GALNT7: variants seen among roughly 807,000 people sequenced by gnomAD.
The protein encoded by GALNT7 is polypeptide N-acetylgalactosaminyltransferase 7.
Under a neutral mutation model 82.1 loss-of-function variants are expected in GALNT7, and 60 were observed. The observed-to-expected ratio is 0.73, with a 90% CI of 0.59 to 0.91. The LOEUF is 0.91. Among genes scored for constraint, GALNT7 ranks in the 40% least tolerant of loss-of-function variants. The pLI, the probability that GALNT7 is intolerant of heterozygous loss-of-function variation, is 0.00. For synonymous variants in GALNT7, 243 were observed against 275.1 expected (o/e 0.88, Z 1.15); for missense variants, 660 against 804.2 (o/e 0.82, Z 2.17).
chr4:173,249,855 C>G (rs1319519157), intron 2 of GALNT7, among the ~76,000 whole-genome samples: 1 of 152,060 alleles, frequency 6.6e-6, no homozygotes, highest in Non-Finnish European at 1.5e-5. Context: ...CTTTAGGACC[C>G]CTAACAGGAT....
chr4:173,212,328 A>G (rs1241367569), intron 1 of GALNT7, among the ~76,000 whole-genome samples: 3 of 152,228 alleles, frequency 2.0e-5, no homozygotes, highest in Non-Finnish European at 1.5e-5. Context: ...CAAAAGTCAC[A>G]AGTAATTAAC....
intron 2 of GALNT7, among the ~76,000 whole-genome samples, chr4:173,255,157 C>T (rs1456249090): frequency 6.6e-6 from 1 of 152,122 alleles, no homozygotes; most frequent in African/African-American, 2.4e-5. Context: ...AACTGGAAAT[C>T]AAGGTAACTT....
In GALNT7 at chr4:173,178,052, T is replaced by TGCGCGCGCGC. The variant is rs60869480; in HGVS notation, c.126+9097_126+9098insGCGCGCGCGC. Among the ~76,000 whole-genome samples, 296 of 129,494 alleles carry TGCGCGCGCGC rather than the reference T, an allele frequency of 2.3e-3. 1 individual carries two copies. The highest frequency in any genetic ancestry group is 0.011 in the South Asian group (43 of 3,832). The allele number at this position is 129,494 out of a possible 152,430, so 85.0% of individuals were successfully genotyped here. ...GTGTGTGTGTGTGTGTGTGTGTGTG[T>TGCGCGCGCGC]GCGCGCACGCGCGTGCGCACAGACA... On this transcript the variant is annotated intron_variant, in intron 1 of 11. Transcript: ENST00000265000.
Position 173,292,294 on chromosome 4 carries a change from C to T in GALNT7, c.754+20C>T, listed in dbSNP as rs1200949135. 3 of 1,429,316 alleles carry T rather than the reference C, an allele frequency of 2.1e-6. No homozygotes were observed. Among genetic ancestry groups the T allele is most frequent in the Middle Eastern group, 1.8e-4 (1 of 5,576 alleles). The allele number at this position is 1,429,316 out of a possible 1,614,324, so 88.5% of individuals were successfully genotyped here. A position where few individuals can be genotyped will look rare whatever the true frequency, so the allele number is the denominator to read the frequency against. On this transcript the variant is annotated intron_variant, in intron 3 of 11. Coordinates refer to ENST00000265000, the MANE Select transcript of GALNT7 (RefSeq NM_017423.3). This position sits in a 1 kb window ranked among gnomAD's most constrained non-coding sequence, Gnocchi z 4.8. ...ATAAAGGTAATGGCTGTGAAACTCA[C>T]ATTTTGTCTATAAAATAAGTTAAGC... is the stretch of plus-strand genomic sequence containing the variant.
chr4:173,230,468 T>C (rs13125240), intron 1 of GALNT7, among the ~76,000 whole-genome samples: 37,216 of 152,090 alleles, frequency 0.24, 5,278 homozygotes, highest in Admixed American at 0.34. Context: ...TAAAAGGTGG[T>C]AGGTAGCAAG....
In GALNT7 at chr4:173,323,214, T is replaced by C. The variant is rs1455153209; in HGVS notation, c.*1497T>C. Reference sequence around the variant, plus strand: ...TCCTGTAATCATGGTATCATTACAATGAAAGGAATTCACAAACTACTGCCA... The same window carrying C: ...TCCTGTAATCATGGTATCATTACAACGAAAGGAATTCACAAACTACTGCCA... On this transcript the variant is annotated 3_prime_UTR_variant, in exon 12 of 12. Coordinates refer to ENST00000265000, the MANE Select transcript of GALNT7 (RefSeq NM_017423.3). The C allele has an allele frequency of 6.6e-6, 1 of 152,406 alleles. No homozygotes were observed. The highest frequency in any genetic ancestry group is 2.4e-5 in the African/African-American group (1 of 41,388). 9.4% of individuals were successfully genotyped at this position (152,406 alleles called of 1,614,324 possible).
At chr4:173,183,730 G>A (rs6827653) in intron 1 of GALNT7, among the ~76,000 whole-genome samples, 9,040 of 150,842 alleles carry the variant, frequency 0.06, 752 homozygotes, top group African/African-American at 0.18. Context: ...GGCGGCGGCC[G>A]GGCGGGGTCT....
intron 1 of GALNT7, among the ~76,000 whole-genome samples, chr4:173,177,001 T>C (rs1732067872): frequency 6.6e-6 from 1 of 152,160 alleles, no homozygotes; most frequent in Admixed American, 6.5e-5. Flanking sequence ...GGAAGTATAA[T>C]AGAATTGCCC....
chr4:173,268,540 T>TTG (rs1282359462), intron 2 of GALNT7, among the ~76,000 whole-genome samples: 2 of 122,398 alleles, frequency 1.6e-5, no homozygotes, highest in Non-Finnish European at 3.5e-5. Context: ...GTTTTTTTTT[T>TTG]TTTTTTTTTT....
intron 1 of GALNT7, among the ~76,000 whole-genome samples, chr4:173,244,588 A>C (rs1209221840): frequency 6.6e-6 from 1 of 152,290 alleles, no homozygotes; most frequent in East Asian, 1.9e-4. Context: ...CATCTATAAA[A>C]TAGACATGGC....
Position 173,298,270 on chromosome 4 carries a change from T to A in GALNT7, c.1121T>A (p.Leu374Gln). The A allele has an allele frequency of 1.3e-6, 2 of 1,578,080 alleles. No homozygotes were observed. Among genetic ancestry groups the A allele is most frequent in the East Asian group, 2.2e-5 (1 of 44,470 alleles). ...RVPLTPQEKR[L>Q]RKTKTEPYRS... Reference sequence around the variant, plus strand: ...CCTCTGACCCCTCAAGAGAAGAGACTGAGAAAGACAAAAACTGAACCGTAT... The same window carrying A: ...CCTCTGACCCCTCAAGAGAAGAGACAGAGAAAGACAAAAACTGAACCGTAT... The change falls in exon 6 of 12, where the codon CTG becomes CAG. Residue 374 changes from leucine to glutamine, a missense_variant. Leu to Gln is a moderately radical substitution (Grantham distance 113, BLOSUM62 -2). This residue lies in a region of GALNT7 where 527 missense variants were observed against 683.5 expected (regional missense o/e 0.77). Coordinates refer to ENST00000265000, the MANE Select transcript of GALNT7 (RefSeq NM_017423.3).
intron 1 of GALNT7, among the ~76,000 whole-genome samples, chr4:173,176,082 A>C (rs1024869554): frequency 6.6e-6 from 1 of 152,208 alleles, no homozygotes; most frequent in Admixed American, 6.5e-5. Flanking sequence ...CAAAAAAAAA[A>C]AATTAAAAAC....
At position 173,292,275 on chromosome 4, in the gene GALNT7, G is replaced by T; in HGVS notation, c.754+1G>T. The T allele has an allele frequency of 5.2e-6, 8 of 1,533,638 alleles. No homozygotes were observed. Among genetic ancestry groups the T allele is most frequent in the Non-Finnish European group, 7.1e-6 (8 of 1,128,844 alleles). On this transcript the variant is annotated splice_donor_variant, in intron 3 of 11. Coordinates refer to ENST00000265000, the MANE Select transcript of GALNT7 (RefSeq NM_017423.3). LOFTEE classifies it high-confidence loss of function. This position sits in a 1 kb window ranked among gnomAD's most constrained non-coding sequence, Gnocchi z 4.8. ...TTAATTGACGATTTCAGTAATAAAG[G>T]TAATGGCTGTGAAACTCACATTTTG... is the stretch of plus-strand genomic sequence containing the variant.
intron 2 of GALNT7, among the ~76,000 whole-genome samples, chr4:173,277,864 T>TTA (rs1241799404): frequency 6.6e-6 from 1 of 152,206 alleles, no homozygotes; most frequent in African/African-American, 2.4e-5. Flanking sequence ...ATTGAAAGTA[T>TTA]TATAACTGAC....
chr4:173,173,647 A>G (rs1731949867), intron 1 of GALNT7, among the ~76,000 whole-genome samples: 1 of 152,184 alleles, frequency 6.6e-6, no homozygotes, highest in South Asian at 2.1e-4. Flanking sequence ...GCAGTTCACA[A>G]TAGGGTTTAT....
chr4:173,320,267 G>T lies in GALNT7; in HGVS notation c.1837-1313G>T, dbSNP rs912542991. 9.2e-5 allele frequency among the ~76,000 whole-genome samples: 14 copies of T among 151,728 alleles called. No individual in the cohort carries two copies. The highest frequency in any genetic ancestry group is 1.9e-4 in the Non-Finnish European group (13 of 67,940). On this transcript the variant is annotated intron_variant, in intron 11 of 11. Transcript: ENST00000265000. The surrounding 1 kb of genome is among the most constrained non-coding windows in gnomAD (Gnocchi z 4.1). ...TTTTGAGCTCCCCCACCCCCAAATT[G>T]CTTTTGTTTATATAGGTTATCACTA...
chr4:173,283,650 A>C lies in GALNT7; in HGVS notation c.588-8458A>C, dbSNP rs191456538. On this transcript the variant is annotated intron_variant, in intron 2 of 11. Transcript: ENST00000265000. The stretch of plus-strand genomic sequence containing the variant: ...AACTCTGTCTGAAAAAAAAAAAAAA[A>C]AAAGAAAGTGACATTCTTTACTCAC... Among the ~76,000 whole-genome samples the C allele has an allele frequency of 1.1e-3, 165 of 151,952 alleles. 1 individual carries two copies. The highest frequency in any genetic ancestry group is 0.01 in the Middle Eastern group (3 of 294).
At chr4:173,269,100 C>T (rs571206728) in intron 2 of GALNT7, among the ~76,000 whole-genome samples, 18 of 152,180 alleles carry the variant, frequency 1.2e-4, no homozygotes, top group Middle Eastern at 3.4e-3. Context: ...GGGCATGGCT[C>T]CTCTGATGTT....
chr4:173,297,550 G>A (rs921558040), intron 5 of GALNT7, among the ~76,000 whole-genome samples: 7 of 152,184 alleles, frequency 4.6e-5, no homozygotes, highest in African/African-American at 1.4e-4. Context: ...ACTCTATTAA[G>A]CTCAGTGATA....
Sources: allele counts gnomAD v4.1 joint callset (sites outside exome capture counted in the v4.1 genomes callset), GRCh38; gene constraint gnomAD v4.1.1; regional missense constraint gnomAD v4.1.1; non-coding constraint Gnocchi (gnomAD v3.1); transcripts MANE v1.5; gene names NCBI Gene and HGNC (gene_info 2026-07-23, HGNC 2026-07-21).